Variants in ANKRD17 observed in about 807,000 individuals in gnomAD.
ANKRD17 encodes the protein ankyrin repeat domain-containing protein 17.
In ANKRD17, 19 loss-of-function variants were observed where a neutral mutation model predicts 229.7. The observed-to-expected ratio is 0.08, with a 90% confidence interval of 0.06 to 0.12. The LOEUF is 0.12. Among genes scored for constraint, ANKRD17 ranks in the 10% least tolerant of loss-of-function variants. The probability of loss-of-function intolerance (pLI) is 1.00; values close to 1 mark genes in which losing one functional copy is unlikely to be tolerated. For synonymous variants in ANKRD17, 1,112 were observed against 1,146.1 expected, an observed-to-expected ratio of 0.97 and a Z score of 0.60; for missense variants, 2,176 against 3,176.8, an observed-to-expected ratio of 0.68 and a Z score of 7.57.
intron 1 of ANKRD17, among the ~76,000 whole-genome samples, chr4:73,201,078 G>A (rs1003442339): frequency 6.7e-6 from 1 of 149,712 alleles, no homozygotes; most frequent in African/African-American, 2.5e-5. Flanking sequence ...TAAATAAAAT[G>A]CCATATAGAG....
intron 25 of ANKRD17, among the ~76,000 whole-genome samples, chr4:73,100,137 T>C (rs1723791128): frequency 6.6e-6 from 1 of 152,186 alleles, no homozygotes; most frequent in Non-Finnish European, 1.5e-5. Context: ...GTTCCATTCT[T>C]CGACATCCGT....
intron 31 of ANKRD17, among the ~76,000 whole-genome samples, chr4:73,078,175 G>A (rs933611090): frequency 2.0e-5 from 3 of 152,102 alleles, no homozygotes; most frequent in African/African-American, 4.8e-5. Context: ...TCAGGAGATC[G>A]TGACCATCCT....
At chr4:73,139,171 C>T (rs1334946020) in intron 15 of ANKRD17, among the ~76,000 whole-genome samples, 1 of 152,030 alleles carries the variant, frequency 6.6e-6, no homozygotes, top group East Asian at 1.9e-4. Flanking sequence ...ATCAATTTCC[C>T]AGTTTATTGG....
At chr4:73,258,245 C>T in intron 1 of ANKRD17, 31 bp downstream of exon 1, 3 of 1,613,320 alleles carry the variant, frequency 1.9e-6, no homozygotes, top group South Asian at 2.2e-5. Context: ...CAGTCCCTTC[C>T]TCCCTCCTTC....
chr4:73,178,196 G>T (rs1734985367), intron 1 of ANKRD17, among the ~76,000 whole-genome samples: 1 of 152,100 alleles, frequency 6.6e-6, no homozygotes. Flanking sequence ...AGGAGCATTT[G>T]CCAAATATCC....
intron 1 of ANKRD17, among the ~76,000 whole-genome samples, chr4:73,218,571 AG>A (rs34140286): frequency 2.2e-5 from 3 of 138,152 alleles, no homozygotes; most frequent in Non-Finnish European, 3.0e-5. Context: ...TCAACCCCTG[AG>A]GGGGAGGTTG....
At chr4:73,122,096 C>T (rs1207328847) in intron 18 of ANKRD17, among the ~76,000 whole-genome samples, 8 of 151,972 alleles carry the variant, frequency 5.3e-5, no homozygotes, top group Non-Finnish European at 4.4e-5. Flanking sequence ...AAGATTTTTT[C>T]GTATTATACA....
At chr4:73,208,198 A>AC (rs1382232642) in intron 1 of ANKRD17, among the ~76,000 whole-genome samples, 10 of 151,148 alleles carry the variant, frequency 6.6e-5, no homozygotes, top group Non-Finnish European at 4.4e-5. Flanking sequence ...CAAAAAAAAA[A>AC]AAAAAAAAAA....
intron 11 of ANKRD17, among the ~76,000 whole-genome samples, chr4:73,143,237 A>G (rs1369266215): frequency 1.3e-5 from 2 of 152,232 alleles, no homozygotes. Context: ...AATTCCTGAC[A>G]AGGAAAATAG....
intron 1 of ANKRD17, among the ~76,000 whole-genome samples, chr4:73,226,764 A>C (rs1198388358): frequency 6.6e-6 from 1 of 151,828 alleles, no homozygotes; most frequent in African/African-American, 2.4e-5. Flanking sequence ...CCCAGGCTGG[A>C]ATGCAGTGGC....
At chr4:73,200,537 G>T (rs988932706) in intron 1 of ANKRD17, among the ~76,000 whole-genome samples, 1 of 151,980 alleles carries the variant, frequency 6.6e-6, no homozygotes, top group African/African-American at 2.4e-5. Flanking sequence ...AGCTCCCCAG[G>T]TGATACTAAT....
At chr4:73,178,695 A>G (rs928499422) in intron 1 of ANKRD17, among the ~76,000 whole-genome samples, 13 of 152,212 alleles carry the variant, frequency 8.5e-5, no homozygotes, top group African/African-American at 2.9e-4. Context: ...CTGGGCCCTG[A>G]GGGGTCTATT....
intron 33 of ANKRD17, among the ~76,000 whole-genome samples, chr4:73,076,597 CAG>C (rs1295293801): frequency 2.6e-5 from 4 of 152,232 alleles, no homozygotes; most frequent in African/African-American, 4.8e-5. Context: ...TGTGAATTCT[CAG>C]AGTTATTTAT....
chr4:73,245,296 A>C (rs1476878754), intron 1 of ANKRD17, among the ~76,000 whole-genome samples: 1 of 152,220 alleles, frequency 6.6e-6, no homozygotes, highest in African/African-American at 2.4e-5. Flanking sequence ...TCAAATGCTA[A>C]TCTAGGTACT....
At chr4:73,099,038 C>T (rs1043452012) in intron 25 of ANKRD17, 20 of 983,564 alleles carry the variant, frequency 2.0e-5, no homozygotes, top group African/African-American at 3.2e-5. Flanking sequence ...TGCCAAGACC[C>T]GGAAAACCAC....
At chr4:73,214,164 C>T (rs920507745) in intron 1 of ANKRD17, among the ~76,000 whole-genome samples, 3 of 152,150 alleles carry the variant, frequency 2.0e-5, no homozygotes, top group South Asian at 2.1e-4. Context: ...GATTTCCACA[C>T]AAGGTTTTTC....
At chr4:73,142,056 A>ATCATATCTTTTCTTACT (rs1729680885) in intron 13 of ANKRD17, among the ~76,000 whole-genome samples, 186 bp downstream of exon 13, 2 of 152,184 alleles carry the variant, frequency 1.3e-5, no homozygotes, top group Non-Finnish European at 2.9e-5. Context: ...TTAAAAGCTA[A>ATCATATCTTTTCTTACT]AGCATAATCA....
intron 1 of ANKRD17, among the ~76,000 whole-genome samples, chr4:73,185,124 T>C (rs1736115822): frequency 6.6e-6 from 1 of 151,980 alleles, no homozygotes; most frequent in African/African-American, 2.4e-5. Flanking sequence ...CCGCAAAATT[T>C]AGACTTCTTT....
chr4:73,084,352 A>G (rs188489575), intron 30 of ANKRD17, among the ~76,000 whole-genome samples: 7 of 152,314 alleles, frequency 4.6e-5, no homozygotes, highest in Non-Finnish European at 8.8e-5. Flanking sequence ...AAATAAAAAA[A>G]AGAAAGAAAG....
Sources: gnomAD v4.1 joint callset for allele counts (sites outside exome capture counted in the v4.1 genomes callset) on GRCh38, gnomAD v4.1.1 for gene constraint, MANE v1.5 for transcripts, NCBI Gene and HGNC (gene_info 2026-07-23, HGNC 2026-07-21) for gene names.